The following NLRP5 variants were observed in gnomAD, a reference collection of about 807,000 sequenced individuals.
NLRP5 encodes NACHT, LRR and PYD domains-containing protein 5.
NLRP5 carries 93 observed loss-of-function variants against 113.1 expected under a neutral mutation model. The ratio of observed to expected loss-of-function variants is 0.82; its 90% CI spans 0.70 to 0.98. The LOEUF (loss-of-function observed/expected upper bound fraction) is 0.98, where lower values mean the gene tolerates loss of function less well. NLRP5 is among the 50% of genes least tolerant of loss of function. The probability of loss-of-function intolerance (pLI) is 0.00; values close to 1 mark genes in which losing one functional copy is unlikely to be tolerated. For synonymous variants in NLRP5, 751 were observed against 600.7 expected (o/e 1.25, Z -3.66); for missense variants, 1,808 against 1,514.3 (o/e 1.19, Z -3.22).
intron 3 of NLRP5, among the ~76,000 whole-genome samples, chr19:56,011,886 T>A (rs1016534061): frequency 6.6e-6 from 1 of 151,864 alleles, no homozygotes; most frequent in African/African-American, 2.4e-5. Context: ...AAGATGGAGT[T>A]TCACCGTATT....
rs552223545 is a variant in NLRP5, at chr19:56,045,028, G to T, written c.2957+3936G>T. 3.9e-5 allele frequency among the ~76,000 whole-genome samples: 6 copies of T among 152,298 alleles called. No homozygotes were observed. The East Asian group carries it at 1.2e-3, about 29-fold the overall frequency. Reference sequence around the variant, plus strand: ...TTGATTCTCCGCTTGGTTGCTGTTGGTGTATAGAACTATTGATTTGTGTAC... The same window carrying T: ...TTGATTCTCCGCTTGGTTGCTGTTGTTGTATAGAACTATTGATTTGTGTAC... On this transcript the variant is annotated intron_variant, in intron 11 of 14. Transcript: ENST00000390649.
Position 56,028,244 on chromosome 19 carries a change from C to T in NLRP5, c.2011C>T (p.Leu671=). Residue 671 remains leucine (L), a synonymous_variant, in exon 7 of 15, where the codon CTG becomes TTG. Transcript: ENST00000390649. ...GCAGAAGCTTCTGCACTGGGTCTCT[C>T]TGTTGGGTCAGCAGCCTAATGCCAC... 2 of 1,613,912 alleles carry T rather than the reference C, an allele frequency of 1.2e-6. No individual in the cohort carries two copies. Among genetic ancestry groups the T allele is most frequent in the Non-Finnish European group, 1.7e-6 (2 of 1,179,902 alleles).
Position 56,061,473 on chromosome 19 carries a change from T to C in NLRP5, c.3548T>C (p.Ile1183Thr). The C allele has an allele frequency of 9.9e-6, 16 of 1,614,028 alleles. No homozygotes were observed. Among genetic ancestry groups the C allele is most frequent in the Non-Finnish European group, 1.4e-5 (16 of 1,179,880 alleles). The change falls in exon 15 of 15, where the codon ATT (isoleucine) becomes ACT (threonine). Residue 1183 changes from isoleucine to threonine, a missense_variant. Physicochemically the swap from Ile to Thr is moderately conservative, Grantham distance 89. Coordinates refer to ENST00000390649, the MANE Select transcript of NLRP5 (RefSeq NM_153447.4). ...CAGCTACTCAAGCCCCGAGTCGTAA[T>C]TGACGGTAGTTGGCATTCTTTTGAT...
Position 56,027,377 on chromosome 19 carries a change from G to T in NLRP5, c.1144G>T (p.Ala382Ser). 1 of 1,613,508 alleles carries T rather than the reference G, an allele frequency of 6.2e-7. No individual in the cohort carries two copies. Among genetic ancestry groups the T allele is most frequent in the Non-Finnish European group, 8.5e-7 (1 of 1,179,792 alleles). ...TGACACAAAGCTCTGCAAAGACTGGGCTGAGAAGCAGCCTCCGTTCACCCT... is the reference window on the plus strand; with the variant it reads ...TGACACAAAGCTCTGCAAAGACTGGTCTGAGAAGCAGCCTCCGTTCACCCT... Residue 382 changes from alanine to serine, a missense_variant, in exon 7 of 15, where the codon GCT becomes TCT. By Grantham distance (99) the Ala-to-Ser change is moderately conservative (BLOSUM62 1). Coordinates refer to ENST00000390649, the MANE Select transcript of NLRP5 (RefSeq NM_153447.4).
At chr19:56,057,565 C>T (rs1984203144) in intron 13 of NLRP5, among the ~76,000 whole-genome samples, 1 of 152,160 alleles carries the variant, frequency 6.6e-6, no homozygotes, top group Non-Finnish European at 1.5e-5. Flanking sequence ...CACCTTTCTT[C>T]AGGTGCAGTG....
chr19:55,990,555 G>A, the NLRP5 span, among the ~76,000 whole-genome samples: 1 of 151,622 alleles, frequency 6.6e-6, no homozygotes. Context: ...GGCCGGGCAC[G>A]GTGGCTCATG....
At chr19:56,019,082 G>A (rs1161894113) in intron 4 of NLRP5, among the ~76,000 whole-genome samples, 3 of 152,014 alleles carry the variant, frequency 2.0e-5, no homozygotes, top group Non-Finnish European at 2.9e-5. Context: ...AGGTGCGAAC[G>A]ACCACGCCCA....
In NLRP5 at chr19:56,028,172, A is replaced by G. The variant is rs911214736; in HGVS notation, c.1939A>G (p.Arg647Gly). The change falls in exon 7 of 15, where the codon AGG becomes GGG. Residue 647 changes from arginine (R) to glycine (G), a missense_variant. Coordinates refer to ENST00000390649, the MANE Select transcript of NLRP5 (RefSeq NM_153447.4). ...TGGCCTCGTGAGCGAAGACGTAAGG[A>G]GGCCACTGGAGGTCCTGCTGGGCTG... The G allele has an allele frequency of 6.2e-7, 1 of 1,613,900 alleles. No homozygotes were observed. Among genetic ancestry groups the G allele is most frequent in the African/African-American group, 1.3e-5 (1 of 74,942 alleles).
chr19:56,043,870 C>A (rs182255247), intron 11 of NLRP5, among the ~76,000 whole-genome samples: 26 of 151,740 alleles, frequency 1.7e-4, no homozygotes, highest in Non-Finnish European at 2.6e-4. Flanking sequence ...AGCCACCACG[C>A]CTGGCCTCTG....
At chr19:56,040,868 T>G in intron 10 of NLRP5, 54 bp from the exon 11 acceptor site, 1 of 1,483,024 alleles carries the variant, frequency 6.7e-7, no homozygotes, top group Non-Finnish European at 9.3e-7. Flanking sequence ...GAGGGAAAGA[T>G]GGAACTTTAA....
upstream of NLRP5, among the ~76,000 whole-genome samples, chr19:55,995,408 AAAAG>A (rs1447049538): frequency 7.9e-5 from 12 of 152,240 alleles, no homozygotes; most frequent in Non-Finnish European, 1.2e-4. Context: ...AATACATTAA[AAAAG>A]AAAGAGTTGG....
chr19:55,986,780 G>C, the NLRP5 span, among the ~76,000 whole-genome samples: 1 of 151,852 alleles, frequency 6.6e-6, no homozygotes, highest in Non-Finnish European at 1.5e-5. Flanking sequence ...TTGCCAGCTG[G>C]CCCAGAGCTG....
rs780913371 is a variant in NLRP5, at chr19:55,999,773, A to G, written c.48A>G (p.Ser16=). 13 of 1,613,344 alleles carry G rather than the reference A, an allele frequency of 8.1e-6. No individual in the cohort carries two copies. The highest frequency in any genetic ancestry group is 1.1e-5 in the South Asian group (1 of 91,078). ...AACTTGGAGCTGCTGCTCTGCTCTC[A>G]GCATCACCACGTGCGTCGACAGCCT... Residue 16 remains serine, a synonymous_variant, in exon 1 of 15, where the codon TCA becomes TCG. Coordinates refer to ENST00000390649, the MANE Select transcript of NLRP5 (RefSeq NM_153447.4).
At chr19:56,050,627 T>G (rs1282077478) in intron 12 of NLRP5, 39 bp downstream of exon 12, 25 of 1,589,558 alleles carry the variant, frequency 1.6e-5, no homozygotes, top group Non-Finnish European at 2.1e-5. Context: ...TCTATCATAC[T>G]GGGGTCTGGA....
At chr19:56,028,576 G>A (rs1445363942) in intron 7 of NLRP5, 67 bp downstream of exon 7, 4 of 1,433,816 alleles carry the variant, frequency 2.8e-6, no homozygotes, top group Non-Finnish European at 2.9e-6. Context: ...GCTGGGACTT[G>A]ACATGACTTC....
rs8109321 is a variant in NLRP5 at position 56,014,019 on chromosome 19, G to A, written c.509-1723G>A. Among the ~76,000 whole-genome samples, 462 of 151,946 alleles carry A rather than the reference G, an allele frequency of 3.0e-3. 5 individuals carry two copies. The highest frequency in any genetic ancestry group is 0.011 in the African/African-American group (441 of 41,442). ...TTATATTGTTGACTTGCAATACTTA[G>A]GTTTTATCATCTAGATTATGTAGAG... On this transcript the variant is annotated intron_variant, in intron 3 of 14. Transcript: ENST00000390649.
At chr19:56,026,689 C>T (rs948096193) in intron 6 of NLRP5, among the ~76,000 whole-genome samples, 7 of 151,568 alleles carry the variant, frequency 4.6e-5, no homozygotes, top group African/African-American at 1.7e-4. Context: ...AGCAATTCTC[C>T]TGCCTCAGCC....
intron 4 of NLRP5, among the ~76,000 whole-genome samples, chr19:56,017,681 TGAA>T (rs1412128336): frequency 6.6e-6 from 1 of 152,240 alleles, no homozygotes; most frequent in African/African-American, 2.4e-5. Context: ...GTATCTATCT[TGAA>T]GAAGGTCTGT....
rs1250250924 is a variant in NLRP5 at position 56,061,770 on chromosome 19, G to A, written c.*242G>A. On this transcript the variant is annotated 3_prime_UTR_variant, in exon 15 of 15. Coordinates refer to ENST00000390649, the MANE Select transcript of NLRP5 (RefSeq NM_153447.4). The stretch of plus-strand genomic sequence containing the variant: ...TGTGAAATGTCCGTCATATCTCAGA[G>A]CATATAGAGGGAATTAAATAAACAC... 2.3e-6 allele frequency: 1 copy of A among 439,328 alleles called. No individual in the cohort carries two copies. Among genetic ancestry groups the A allele is most frequent in the African/African-American group, 2.0e-5 (1 of 49,660 alleles). 27.2% of individuals were successfully genotyped at this position (439,328 alleles called of 1,614,324 possible).
Sources: allele counts gnomAD v4.1 joint callset (sites outside exome capture counted in the v4.1 genomes callset), GRCh38; gene constraint gnomAD v4.1.1; transcripts MANE v1.5; gene names NCBI Gene and HGNC (gene_info 2026-07-23, HGNC 2026-07-21).